The following RYR2 variants were observed in gnomAD, a reference collection of about 807,000 sequenced individuals.
RYR2 encodes the protein cardiac muscle ryanodine receptor-calcium release channel.
A neutral mutation model predicts 601.1 loss-of-function variants in RYR2; 227 were observed. That is an observed-to-expected ratio of 0.38 (90% confidence interval 0.34 to 0.42). The LOEUF (loss-of-function observed/expected upper bound fraction) is 0.42, where lower values mean the gene tolerates loss of function less well. Ranked by LOEUF, RYR2 falls within the 10% of genes least tolerant of loss-of-function variation. RYR2 has a pLI of 1.00. For synonymous variants in RYR2, 2,223 were observed against 2,175.1 expected (o/e 1.02, Z -0.61); for missense variants, 4,646 against 6,156.5 (o/e 0.75, Z 8.21).
At chr1:237,307,460 T>C (rs938330032) in intron 2 of RYR2, among the ~76,000 whole-genome samples, 1 of 152,242 alleles carries the variant, frequency 6.6e-6, no homozygotes, top group Non-Finnish European at 1.5e-5. Flanking sequence ...GTCACATTAT[T>C]GTACATTATT....
intron 1 of RYR2, among the ~76,000 whole-genome samples, chr1:237,219,646 T>A (rs1182414911): frequency 6.6e-6 from 1 of 152,152 alleles, no homozygotes; most frequent in Non-Finnish European, 1.5e-5. Context: ...CCTGAGATCC[T>A]GCTAGAAAGG....
At chr1:237,771,908 C>A in intron 85 of RYR2, 104 bp from the exon 86 acceptor site, 1 of 682,690 alleles carries the variant, frequency 1.5e-6, no homozygotes, top group Non-Finnish European at 2.6e-6. Context: ...ACTGCACTAA[C>A]CCACAATGAT....
chr1:237,507,109 A>C (rs1013701199), intron 23 of RYR2, among the ~76,000 whole-genome samples: 1 of 152,256 alleles, frequency 6.6e-6, no homozygotes, highest in Admixed American at 6.5e-5. Context: ...TATACAGATA[A>C]TAGGCATTGA....
At chr1:237,804,410 C>T (rs1660374924) in intron 98 of RYR2, among the ~76,000 whole-genome samples, 2 of 151,828 alleles carry the variant, frequency 1.3e-5, no homozygotes, top group African/African-American at 2.4e-5. Flanking sequence ...AGCTCAGCCC[C>T]CTCTTTTTAT....
At chr1:237,046,555 G>T (rs1164804243) in intron 1 of RYR2, among the ~76,000 whole-genome samples, 1 of 152,174 alleles carries the variant, frequency 6.6e-6, no homozygotes, top group African/African-American at 2.4e-5. Context: ...AGCCCACCCA[G>T]GCTTACATCA....
rs1166660180 is a variant in RYR2, at chr1:237,723,406, CT to C, written c.10689+146del. On this transcript the variant is annotated intron_variant, in intron 74 of 104. Transcript: ENST00000366574. ...TTCTAAAGAATAAGAGTCCGGTGTG[CT>C]TAGTATTTCATAAAGACAATTTCTA... 1.1e-5 allele frequency: 6 copies of C among 534,208 alleles called. No individual in the cohort carries two copies. In the African/African-American group the frequency reaches 1.2e-4, roughly 10 times the overall value. The allele number at this position is 534,208 out of a possible 1,614,324, so 33.1% of individuals were successfully genotyped here.
intron 3 of RYR2, among the ~76,000 whole-genome samples, chr1:237,332,722 T>C (rs998436670): frequency 3.3e-5 from 5 of 152,250 alleles, no homozygotes; most frequent in Non-Finnish European, 7.3e-5. Context: ...ATTTTTTTAT[T>C]GTTAAGTTGC....
At chr1:237,055,180 C>A (rs540158640) in intron 1 of RYR2, among the ~76,000 whole-genome samples, 1 of 152,112 alleles carries the variant, frequency 6.6e-6, no homozygotes, top group Non-Finnish European at 1.5e-5. Context: ...GCGGGAAGCA[C>A]GGTGACACGT....
chr1:237,774,920 G>A (rs1448656622), intron 87 of RYR2, among the ~76,000 whole-genome samples: 2 of 151,934 alleles, frequency 1.3e-5, no homozygotes, highest in Non-Finnish European at 2.9e-5. Flanking sequence ...TAAAATAATT[G>A]AGATTCCTGA....
chr1:237,502,474 C>T (rs946474213), intron 21 of RYR2, among the ~76,000 whole-genome samples: 12 of 152,200 alleles, frequency 7.9e-5, no homozygotes, highest in African/African-American at 2.4e-4. Context: ...AATTTTTCTA[C>T]GGGCCAGGGC....
chr1:237,371,902 T>C (rs1443110192), intron 6 of RYR2, among the ~76,000 whole-genome samples: 4 of 151,346 alleles, frequency 2.6e-5, no homozygotes, highest in Admixed American at 6.6e-5. Flanking sequence ...TGTCGTGGGG[T>C]GGGGAGAGAT....
At chr1:237,278,325 A>G (rs1391783729) in intron 2 of RYR2, among the ~76,000 whole-genome samples, 1 of 137,452 alleles carries the variant, frequency 7.3e-6, no homozygotes, top group Admixed American at 8.9e-5. Context: ...TCCTGGGCTC[A>G]AGCGATCTTC....
intron 2 of RYR2, among the ~76,000 whole-genome samples, chr1:237,326,044 G>A (rs1168438007): frequency 1.3e-5 from 2 of 152,160 alleles, no homozygotes; most frequent in Non-Finnish European, 2.9e-5. Context: ...TTGTTATTCA[G>A]TTAAGGTAAT....
chr1:237,120,822 CTG>C (rs1328285089), intron 1 of RYR2: 1 of 152,270 alleles, frequency 6.6e-6, no homozygotes, highest in Non-Finnish European at 1.5e-5. Context: ...TGGGAGCAAT[CTG>C]TGTGGTACAT....
intron 44 of RYR2, among the ~76,000 whole-genome samples, chr1:237,637,788 T>A (rs1310558253): frequency 1.3e-5 from 2 of 152,218 alleles, no homozygotes; most frequent in East Asian, 3.8e-4. Flanking sequence ...GGTCTCAAGT[T>A]AAATGCTATT....
chr1:237,241,599 A>G (rs12126976), intron 1 of RYR2, among the ~76,000 whole-genome samples: 45,799 of 152,040 alleles, frequency 0.3, 6,979 homozygotes, highest in Middle Eastern at 0.39. Flanking sequence ...TTAAGAAAGT[A>G]AAGGAATAAA....
chr1:237,430,569 G>C (rs562676157), intron 12 of RYR2, among the ~76,000 whole-genome samples: 1 of 152,194 alleles, frequency 6.6e-6, no homozygotes, highest in Non-Finnish European at 1.5e-5. Flanking sequence ...TGAAGACAGA[G>C]AGAAATTTTT....
At chr1:237,576,885 G>A (rs1673277101) in intron 29 of RYR2, among the ~76,000 whole-genome samples, 1 of 152,146 alleles carries the variant, frequency 6.6e-6, no homozygotes, top group South Asian at 2.1e-4. Flanking sequence ...TTATTGATCA[G>A]GGAAATGCAA....
chr1:237,787,561 C>T (rs1390662805), intron 91 of RYR2, among the ~76,000 whole-genome samples: 2 of 141,664 alleles, frequency 1.4e-5, no homozygotes, highest in Non-Finnish European at 3.0e-5. Flanking sequence ...CCCTGCATTC[C>T]AGCCTGGGTG....
Sources: allele counts gnomAD v4.1 joint callset (sites outside exome capture counted in the v4.1 genomes callset), GRCh38; gene constraint gnomAD v4.1.1; transcripts MANE v1.5; gene names NCBI Gene and HGNC (gene_info 2026-07-23, HGNC 2026-07-21).